Variants in LRRC39 observed in about 807,000 individuals in gnomAD.
LRRC39 encodes leucine rich repeat containing 39, also known as leucine-rich repeat-containing protein 39.
A neutral mutation model predicts 39.7 loss-of-function variants in LRRC39; 35 were observed. The observed-to-expected ratio is 0.88, with a 90% CI of 0.67 to 1.17. The LOEUF (loss-of-function observed/expected upper bound fraction) is 1.17, where lower values mean the gene tolerates loss of function less well. LRRC39 is among the 50% of genes most tolerant of loss of function. LRRC39 has a pLI of 0.00. For synonymous variants in LRRC39, 113 were observed against 134.1 expected, an observed-to-expected ratio of 0.84 and a Z score of 1.09; for missense variants, 357 against 385.8, an observed-to-expected ratio of 0.93 and a Z score of 0.62.
In LRRC39 at chr1:100,159,427, G is replaced by C; in HGVS notation, c.220-12C>G. On this transcript the variant is annotated splice_polypyrimidine_tract_variant and intron_variant, in intron 4 of 9. Coordinates refer to ENST00000370137, the MANE Select transcript of LRRC39 (RefSeq NM_144620.4). The stretch of plus-strand genomic sequence containing the variant: ...GAAGAAGGGAGGGTCTACAGTAAAA[G>C]AAATGATGGTTGTTGTATATTACTT... 6.3e-7 allele frequency: 1 copy of C among 1,576,422 alleles called. No individual in the cohort carries two copies. Among genetic ancestry groups the C allele is most frequent in the Non-Finnish European group, 8.6e-7 (1 of 1,164,602 alleles).
chr1:100,152,223 CT>C (rs953950599), intron 9 of LRRC39, among the ~76,000 whole-genome samples, 161 bp downstream of exon 9: 8 of 152,146 alleles, frequency 5.3e-5, no homozygotes, highest in East Asian at 1.9e-4. Flanking sequence ...CTCTATTTCA[CT>C]TTTTTTCTTC....
chr1:100,162,593 G>A (rs1658964534), intron 3 of LRRC39, among the ~76,000 whole-genome samples: 1 of 151,480 alleles, frequency 6.6e-6, no homozygotes, highest in African/African-American at 2.4e-5. Flanking sequence ...AGCCAAGATT[G>A]CACCACTTTA....
In LRRC39 at chr1:100,152,471, C is replaced by T. The variant is rs756858254; in HGVS notation, c.866G>A (p.Ser289Asn). ...TTCCTCTTCTTCATCTGTGCCTTCA[C>T]TGGGAGGAAGTGATACTTTCAATTT... is the stretch of plus-strand genomic sequence containing the variant. ...PLKLKVSLPP[S>N]EGTDEEEERE... Residue 289 changes from serine to asparagine, a missense_variant, in exon 9 of 10, where the codon AGT becomes AAT. Ser to Asn is a conservative substitution (Grantham distance 46). Coordinates refer to ENST00000370137, the MANE Select transcript of LRRC39 (RefSeq NM_144620.4). The T allele has an allele frequency of 6.2e-7, 1 of 1,614,046 alleles. No homozygotes were observed. Among genetic ancestry groups the T allele is most frequent in the East Asian group, 2.2e-5 (1 of 44,854 alleles).
intron 4 of LRRC39, 42 bp from the exon 5 acceptor site, chr1:100,159,457 T>G (rs781092244): frequency 2.1e-6 from 3 of 1,433,910 alleles, no homozygotes; most frequent in Non-Finnish European, 1.9e-6. Context: ...TTACTTAAAT[T>G]TTTTTAGTAT....
At chr1:100,168,652 A>G (rs1487942969) in intron 2 of LRRC39, 58 bp from the exon 3 acceptor site, 1 of 625,866 alleles carries the variant, frequency 1.6e-6, no homozygotes, top group Non-Finnish European at 2.8e-6. Context: ...TACCATAATG[A>G]TCATAATAGC....
intron 9 of LRRC39, chr1:100,149,535 T>C: frequency 1.7e-6 from 2 of 1,197,596 alleles, no homozygotes; most frequent in Non-Finnish European, 2.3e-6. Context: ...ATTCACAAAT[T>C]TGAAATAATT....
chr1:100,175,899 T>A (rs1659926835), intron 1 of LRRC39, among the ~76,000 whole-genome samples: 1 of 152,210 alleles, frequency 6.6e-6, no homozygotes, highest in Non-Finnish European at 1.5e-5. Context: ...TTGGTGAGAA[T>A]TTGAGTTACA....
In LRRC39 at chr1:100,152,458, A is replaced by G; in HGVS notation, c.879T>C (p.Asp293=). ...KVSLPPSEGT[D]EEEERELFGL... is the part of the protein sequence containing the mutation. ...CAAATAATTCCCGTTCCTCTTCTTC[A>G]TCTGTGCCTTCACTGGGAGGAAGTG... The change falls in exon 9 of 10, where the codon GAT becomes GAC. Residue 293 remains aspartate, a synonymous_variant. Coordinates refer to ENST00000370137, the MANE Select transcript of LRRC39 (RefSeq NM_144620.4). 2 of 1,613,704 alleles carry G rather than the reference A, an allele frequency of 1.2e-6. No homozygotes were observed. The highest frequency in any genetic ancestry group is 1.1e-5 in the South Asian group (1 of 91,080).
At chr1:100,178,427 A>G (rs1261196718), upstream of LRRC39, among the ~76,000 whole-genome samples, 1 of 152,208 alleles carries the variant, frequency 6.6e-6, no homozygotes, top group Non-Finnish European at 1.5e-5. Flanking sequence ...ATCTTGAAAA[A>G]TAATGCCTAT....
At chr1:100,178,984 G>T (rs1177217281), upstream of LRRC39, among the ~76,000 whole-genome samples, 2 of 152,120 alleles carry the variant, frequency 1.3e-5, no homozygotes, top group Non-Finnish European at 2.9e-5. Flanking sequence ...GCACACATAT[G>T]TGAAGGCATG....
chr1:100,155,956 G>C (rs547680524), intron 7 of LRRC39, among the ~76,000 whole-genome samples: 1 of 152,124 alleles, frequency 6.6e-6, no homozygotes, highest in South Asian at 2.1e-4. Context: ...GGGAGGCTGA[G>C]GTAGGTGGAT....
chr1:100,149,917 G>A (rs754270149), intron 9 of LRRC39: 1 of 152,710 alleles, frequency 6.5e-6, no homozygotes, highest in African/African-American at 2.4e-5. Flanking sequence ...GTAGTTCTAT[G>A]ATTATATGAT....
intron 8 of LRRC39, 104 bp downstream of exon 8, chr1:100,154,947 A>G: frequency 9.0e-7 from 1 of 1,112,650 alleles, no homozygotes. Flanking sequence ...ATCCATTCAC[A>G]TAAATAACAA....
Position 100,156,250 on chromosome 1 carries a change from G to C in LRRC39, c.581C>G (p.Ala194Gly), listed in dbSNP as rs751608392. 1 of 1,613,984 alleles carries C rather than the reference G, an allele frequency of 6.2e-7. No individual in the cohort carries two copies. The highest frequency in any genetic ancestry group is 1.1e-5 in the South Asian group (1 of 91,058). Residue 194 changes from alanine (A) to glycine (G), a missense_variant, in exon 7 of 10, where the codon GCT (alanine) becomes GGT (glycine). Coordinates refer to ENST00000370137, the MANE Select transcript of LRRC39 (RefSeq NM_144620.4). ...SMNDFTTIPL[A>G]VLNMPALEWL... ...CTCAAGGGCAGGCATGTTCAACACA[G>C]CAAGAGGGATTGTAGTAAAATCGTT...
upstream of LRRC39, among the ~76,000 whole-genome samples, chr1:100,179,410 C>T (rs1660147683): frequency 6.8e-6 from 1 of 147,692 alleles, no homozygotes; most frequent in South Asian, 2.1e-4. Flanking sequence ...ACCTGTAATC[C>T]CAGCACTTTG....
intron 8 of LRRC39, among the ~76,000 whole-genome samples, chr1:100,154,050 CAG>C (rs1301372481): frequency 2.0e-5 from 3 of 151,686 alleles, no homozygotes; most frequent in Admixed American, 1.3e-4. Context: ...ATGTCATCAA[CAG>C]AGGACATTTC....
intron 1 of LRRC39, among the ~76,000 whole-genome samples, chr1:100,177,305 A>G (rs899500167): frequency 2.6e-5 from 4 of 152,230 alleles, no homozygotes; most frequent in African/African-American, 9.6e-5. Flanking sequence ...ATTGCTTTTC[A>G]TTATTAACCT....
chr1:100,158,514 T>A (rs1200624051), intron 5 of LRRC39, 147 bp from the exon 6 acceptor site: 1 of 591,618 alleles, frequency 1.7e-6, no homozygotes, highest in Non-Finnish European at 2.6e-6. Flanking sequence ...CTCGGCTCAC[T>A]GCAAGCTCCG....
At chr1:100,173,902 C>G (rs1166985533) in intron 1 of LRRC39, among the ~76,000 whole-genome samples, 1 of 151,946 alleles carries the variant, frequency 6.6e-6, no homozygotes, top group Middle Eastern at 3.2e-3. Flanking sequence ...AACTTCTATA[C>G]AGAAAACTAA....
Sources: gnomAD v4.1 joint callset for allele counts (sites outside exome capture counted in the v4.1 genomes callset) on GRCh38, gnomAD v4.1.1 for gene constraint, MANE v1.5 for transcripts, NCBI Gene and HGNC (gene_info 2026-07-23, HGNC 2026-07-21) for gene names.